Variants in TRPS1 observed in about 807,000 individuals in gnomAD.
TRPS1 encodes transcriptional repressor GATA binding 1, also known as zinc finger transcription factor Trps1.
Under a neutral mutation model 101.2 loss-of-function variants are expected in TRPS1, and 6 were observed. The observed-to-expected ratio is 0.06, with a 90% confidence interval of 0.03 to 0.12. The LOEUF (loss-of-function observed/expected upper bound fraction) is 0.12. Ranked by LOEUF, TRPS1 falls within the 10% of genes least tolerant of loss-of-function variation. The pLI, the probability that TRPS1 is intolerant of heterozygous loss-of-function variation, is 1.00. For synonymous variants in TRPS1, 578 were observed against 589.8 expected (o/e 0.98, Z 0.29); for missense variants, 1,363 against 1,567.0 (o/e 0.87, Z 2.20).
In TRPS1 at chr8:115,647,680, G is replaced by C. The variant is rs544667993; in HGVS notation, c.-122+20865C>G. ...AAGCAGCTCCTTGAAAACGCTATAT[G>C]ACAAAGTACATGACTAACTTAAAGA... On this transcript the variant is annotated intron_variant, in intron 1 of 6. Coordinates refer to ENST00000395715, the MANE Select transcript of TRPS1 (RefSeq NM_014112.5). 5.1e-4 allele frequency among the ~76,000 whole-genome samples: 78 copies of C among 152,170 alleles called. 1 individual carries two copies. The South Asian group carries it at 0.015, about 30-fold the overall frequency.
At chr8:115,643,294 A>T (rs1818945468) in intron 1 of TRPS1, among the ~76,000 whole-genome samples, 1 of 152,192 alleles carries the variant, frequency 6.6e-6, no homozygotes, top group East Asian at 1.9e-4. Context: ...TGTTTGTAGC[A>T]TGCAATGCCA....
At chr8:115,641,194 A>G (rs1299442138) in intron 1 of TRPS1, among the ~76,000 whole-genome samples, 1 of 152,242 alleles carries the variant, frequency 6.6e-6, no homozygotes, top group African/African-American at 2.4e-5. Flanking sequence ...GACTAGAATC[A>G]GCATATGGGA....
intron 5 of TRPS1, among the ~76,000 whole-genome samples, chr8:115,561,718 C>A (rs1816950781): frequency 6.6e-6 from 1 of 151,942 alleles, no homozygotes; most frequent in Non-Finnish European, 1.5e-5. Flanking sequence ...TCCAGTCATG[C>A]ACAGCTACGA....
At chr8:115,620,569 T>G (rs61144980) in intron 2 of TRPS1, among the ~76,000 whole-genome samples, 2,361 of 152,314 alleles carry the variant, frequency 0.016, 65 homozygotes, top group African/African-American at 0.055. Context: ...TGGAATTCGA[T>G]ATTGTTACCC....
At chr8:115,664,790 C>G (rs1563679042) in intron 1 of TRPS1, among the ~76,000 whole-genome samples, 2 of 152,094 alleles carry the variant, frequency 1.3e-5, no homozygotes, top group Admixed American at 6.5e-5. Flanking sequence ...TTTTCTATGC[C>G]TGCTAAAAAC....
intron 5 of TRPS1, among the ~76,000 whole-genome samples, chr8:115,453,602 T>C (rs570435834): frequency 2.4e-4 from 36 of 152,336 alleles, no homozygotes; most frequent in African/African-American, 7.9e-4. Flanking sequence ...GTGAAACACA[T>C]TGTTGTCTTG....
At chr8:115,571,795 T>G (rs564575203) in intron 5 of TRPS1, among the ~76,000 whole-genome samples, 8 of 152,208 alleles carry the variant, frequency 5.3e-5, no homozygotes, top group Admixed American at 5.2e-4. Context: ...ATATAATGAA[T>G]CTATCCAACA....
intron 5 of TRPS1, chr8:115,509,685 CAAAT>C (rs1815533377): frequency 6.6e-6 from 1 of 151,960 alleles, no homozygotes; most frequent in Non-Finnish European, 1.5e-5. Flanking sequence ...TTACAGAAAA[CAAAT>C]AAGGAACCCA....
intron 5 of TRPS1, among the ~76,000 whole-genome samples, chr8:115,501,058 T>C (rs1815306361): frequency 6.6e-6 from 1 of 152,266 alleles, no homozygotes; most frequent in South Asian, 2.1e-4. Context: ...TAACTCCTGA[T>C]TGTGCGACTC....
At chr8:115,457,958 T>C (rs1454209193) in intron 5 of TRPS1, among the ~76,000 whole-genome samples, 2 of 152,066 alleles carry the variant, frequency 1.3e-5, no homozygotes, top group Non-Finnish European at 2.9e-5. Context: ...GGAATATAAA[T>C]TGGAGAAGTA....
rs116227141 is a variant in TRPS1, at chr8:115,443,829, C to T, written c.2701-25377G>A. Among the ~76,000 whole-genome samples, 530 of 152,276 alleles carry T rather than the reference C, an allele frequency of 3.5e-3. 2 individuals carry two copies. The highest frequency in any genetic ancestry group is 0.012 in the African/African-American group (514 of 41,550). The stretch of plus-strand genomic sequence containing the variant: ...CAAACTCAAACTCAGCAATCCCACA[C>T]CTCCTGTGACTGGCTGACACCAACA... On this transcript the variant is annotated intron_variant, in intron 5 of 6. Transcript: ENST00000395715.
intron 5 of TRPS1, among the ~76,000 whole-genome samples, chr8:115,585,601 G>A (rs1817545067): frequency 6.6e-6 from 1 of 152,134 alleles, no homozygotes; most frequent in Admixed American, 6.5e-5. Context: ...GAAGAGTAAT[G>A]ACATGCTGAG....
intron 1 of TRPS1, among the ~76,000 whole-genome samples, chr8:115,667,193 C>CT (rs1420574274): frequency 2.0e-5 from 3 of 152,174 alleles, no homozygotes; most frequent in Non-Finnish European, 4.4e-5. Context: ...TTCTCACCCT[C>CT]TAACTTAAAT....
At chr8:115,560,418 C>A (rs913105193) in intron 5 of TRPS1, among the ~76,000 whole-genome samples, 5 of 152,102 alleles carry the variant, frequency 3.3e-5, no homozygotes, top group African/African-American at 1.2e-4. Flanking sequence ...ATCATAACAA[C>A]CACGTTGCTA....
intron 5 of TRPS1, among the ~76,000 whole-genome samples, chr8:115,581,791 T>C (rs1287467300): frequency 6.6e-6 from 1 of 152,170 alleles, no homozygotes; most frequent in East Asian, 1.9e-4. Context: ...TTACACATAA[T>C]GAATTTGATA....
chr8:115,467,428 T>C (rs1427452015), intron 5 of TRPS1, among the ~76,000 whole-genome samples: 2 of 151,098 alleles, frequency 1.3e-5, no homozygotes, highest in Admixed American at 6.6e-5. Context: ...TTTGACCTTT[T>C]GTTAAAAAAA....
intron 4 of TRPS1, among the ~76,000 whole-genome samples, chr8:115,603,273 C>T (rs1817950676): frequency 6.6e-6 from 1 of 152,184 alleles, no homozygotes; most frequent in Non-Finnish European, 1.5e-5. Flanking sequence ...TCTGGAATAA[C>T]TCAAGCAGTT....
At chr8:115,469,260 C>T (rs956107888) in intron 5 of TRPS1, among the ~76,000 whole-genome samples, 9 of 152,120 alleles carry the variant, frequency 5.9e-5, no homozygotes, top group African/African-American at 2.2e-4. Flanking sequence ...GCATAACAGG[C>T]TCCTTGATCT....
rs1818348634 is a variant in TRPS1, at chr8:115,619,728, A to G, written c.370T>C (p.Leu124=). 1.9e-6 allele frequency: 3 copies of G among 1,614,200 alleles called. No homozygotes were observed. Among genetic ancestry groups the G allele is most frequent in the Non-Finnish European group, 2.5e-6 (3 of 1,180,040 alleles). The change falls in exon 3 of 7, where the codon TTG becomes CTG. Residue 124 remains leucine (L), a synonymous_variant. Coordinates refer to ENST00000395715, the MANE Select transcript of TRPS1 (RefSeq NM_014112.5). The stretch of plus-strand genomic sequence containing the variant: ...CCAGCAGCTGGAGATGAGAAAGCCA[A>G]CATATTTCTGTCTGTCACCTCATCA... The part of the protein sequence containing the change: ...PHDEVTDRNM[L]AFSSPAAGGV...
Sources: gnomAD v4.1 joint callset for allele counts (sites outside exome capture counted in the v4.1 genomes callset) on GRCh38, gnomAD v4.1.1 for gene constraint, MANE v1.5 for transcripts, NCBI Gene and HGNC (gene_info 2026-07-23, HGNC 2026-07-21) for gene names.